Variants in MGAT5B observed in about 807,000 individuals in gnomAD.
The protein encoded by MGAT5B is alpha-1,6-mannosylglycoprotein 6-beta-N-acetylglucosaminyltransferase B, also known as N-acetylglucosaminyl-transferase Vb.
MGAT5B carries 54 observed loss-of-function variants against 95.1 expected under a neutral mutation model. That is an observed-to-expected ratio of 0.57 (90% CI 0.46 to 0.71). The LOEUF is 0.71. MGAT5B is among the 30% of genes least tolerant of loss of function. The pLI is 0.00. For synonymous variants in MGAT5B, 464 were observed against 451.0 expected, an observed-to-expected ratio of 1.03 and a Z score of -0.36; for missense variants, 935 against 1,088.6, an observed-to-expected ratio of 0.86 and a Z score of 1.99.
chr17:76,886,392 G>C (rs1255069768), intron 3 of MGAT5B, among the ~76,000 whole-genome samples: 1 of 152,230 alleles, frequency 6.6e-6, no homozygotes, highest in Non-Finnish European at 1.5e-5. Flanking sequence ...GTGTGTGTTA[G>C]AGATGATGCT....
chr17:76,871,883 G>A (rs1967024368), intron 1 of MGAT5B, among the ~76,000 whole-genome samples: 1 of 152,256 alleles, frequency 6.6e-6, no homozygotes, highest in Non-Finnish European at 1.5e-5. Flanking sequence ...CAGCTTGCCT[G>A]TTTGGGGCCT....
rs558597871 is a variant in MGAT5B at position 76,917,272 on chromosome 17, G to C, written c.1026-7694G>C. Reference sequence around the variant, plus strand: ...AAGTCAGTTTCTTTGCTGTGTCTCCGGCCTCTGCAGGGCCGTCCATAGTCA... The same window carrying C: ...AAGTCAGTTTCTTTGCTGTGTCTCCCGCCTCTGCAGGGCCGTCCATAGTCA... On this transcript the variant is annotated intron_variant, in intron 8 of 17. Coordinates refer to ENST00000569840, the MANE Select transcript of MGAT5B (RefSeq NM_001199172.2). This position sits in a 1 kb window ranked among gnomAD's most constrained non-coding sequence, Gnocchi z 6.1. Among the ~76,000 whole-genome samples, 37 of 151,970 alleles carry C rather than the reference G, an allele frequency of 2.4e-4. No homozygotes were observed. The highest frequency in any genetic ancestry group is 5.2e-4 in the Admixed American group (8 of 15,244).
chr17:76,890,013 G>A (rs1435532219), intron 3 of MGAT5B, among the ~76,000 whole-genome samples: 1 of 152,222 alleles, frequency 6.6e-6, no homozygotes, highest in East Asian at 1.9e-4. Flanking sequence ...CCCTACTGTT[G>A]GCCATGCCGT....
At chr17:76,948,265 C>T (rs1970098150) in intron 17 of MGAT5B, among the ~76,000 whole-genome samples, 179 bp downstream of exon 17, 1 of 152,180 alleles carries the variant, frequency 6.6e-6, no homozygotes, top group South Asian at 2.1e-4. Flanking sequence ...CAGGTCATTG[C>T]TGCCCTACTC....
At chr17:76,932,060 CCTT>C (rs1317771615) in intron 10 of MGAT5B, among the ~76,000 whole-genome samples, 1 of 146,858 alleles carries the variant, frequency 6.8e-6, no homozygotes, top group African/African-American at 2.6e-5. Flanking sequence ...TTCTCCTCCT[CCTT>C]TTTTCCTCCT....
rs1300076932 is a variant in MGAT5B, at chr17:76,938,780, A to G, written c.1584+637A>G. 6.6e-6 allele frequency among the ~76,000 whole-genome samples: 1 copy of G among 152,012 alleles called. No homozygotes were observed. ...TGCAACCTTATATTCCTAGGCTCACACAGTCCCCTCACCTCCACCTCCCGA... is the reference window on the plus strand; with the variant it reads ...TGCAACCTTATATTCCTAGGCTCACGCAGTCCCCTCACCTCCACCTCCCGA... On this transcript the variant is annotated intron_variant, in intron 13 of 17. Coordinates refer to ENST00000569840, the MANE Select transcript of MGAT5B (RefSeq NM_001199172.2). The surrounding 1 kb of genome is among the most constrained non-coding windows in gnomAD (Gnocchi z 4.3).
intron 3 of MGAT5B, among the ~76,000 whole-genome samples, chr17:76,888,527 A>G (rs888163534): frequency 1.3e-5 from 2 of 152,206 alleles, no homozygotes; most frequent in Non-Finnish European, 2.9e-5. Context: ...CACCCTAGCC[A>G]GCGGCGGGGA....
At chr17:76,944,826 C>A (rs1203479062) in intron 15 of MGAT5B, among the ~76,000 whole-genome samples, 1 of 152,150 alleles carries the variant, frequency 6.6e-6, no homozygotes, top group Non-Finnish European at 1.5e-5. Flanking sequence ...AAGGCAGGAC[C>A]GAGCTTGGCG....
At chr17:76,886,471 G>T (rs939036085) in intron 3 of MGAT5B, among the ~76,000 whole-genome samples, 1 of 152,328 alleles carries the variant, frequency 6.6e-6, no homozygotes, top group South Asian at 2.1e-4. Flanking sequence ...TCCTTGTACC[G>T]TGAGGGTCCA....
intron 15 of MGAT5B, among the ~76,000 whole-genome samples, chr17:76,945,798 ATGCCAGGCACTG>A (rs1190033533): frequency 1.3e-4 from 20 of 152,290 alleles, no homozygotes; most frequent in African/African-American, 4.1e-4. Flanking sequence ...CACCCACTGT[ATGCCAGGCACTG>A]TGCCAGGCAC....
At chr17:76,887,095 T>G (rs1967660288) in intron 3 of MGAT5B, among the ~76,000 whole-genome samples, 1 of 151,974 alleles carries the variant, frequency 6.6e-6, no homozygotes, top group Admixed American at 6.5e-5. Flanking sequence ...CCAGTTTATG[T>G]CTTAAGCTGG....
chr17:76,872,743 T>G (rs1967052387), intron 1 of MGAT5B, 108 bp from the exon 2 acceptor site: 2 of 1,592,626 alleles, frequency 1.3e-6, no homozygotes, highest in South Asian at 2.2e-5. Context: ...CCTTGCTTCC[T>G]TCACTCATGC....
chr17:76,943,525 T>C (rs1009948245), intron 15 of MGAT5B, among the ~76,000 whole-genome samples: 7 of 151,994 alleles, frequency 4.6e-5, no homozygotes, highest in African/African-American at 1.7e-4. Context: ...CGTGGGAATC[T>C]GCATTTTAAA....
Position 76,939,980 on chromosome 17 carries a change from T to C in MGAT5B, c.1585-422T>C, listed in dbSNP as rs113760614. 2.9e-3 allele frequency among the ~76,000 whole-genome samples: 442 copies of C among 152,264 alleles called. 5 individuals are homozygous for C. The highest frequency in any genetic ancestry group is 0.02 in the Middle Eastern group (6 of 294). ...CTGTTGTAAATAGCCTCACACAAGT[T>C]AGATGCTGAATAAATGTTTTTGGGA... On this transcript the variant is annotated intron_variant, in intron 13 of 17. Coordinates refer to ENST00000569840, the MANE Select transcript of MGAT5B (RefSeq NM_001199172.2).
At chr17:76,908,002 A>G (rs1017559806) in intron 8 of MGAT5B, among the ~76,000 whole-genome samples, 1 of 152,224 alleles carries the variant, frequency 6.6e-6, no homozygotes, top group Non-Finnish European at 1.5e-5. Flanking sequence ...TGGGCATCAT[A>G]TGATAAGGGT....
In MGAT5B at chr17:76,869,512, C is replaced by G. The variant is rs1015331563; in HGVS notation, c.68+415C>G. 1.3e-5 allele frequency among the ~76,000 whole-genome samples: 2 copies of G among 152,188 alleles called. No individual in the cohort carries two copies. The highest frequency in any genetic ancestry group is 6.5e-5 in the Admixed American group (1 of 15,284). ...CGCCTTGGAGCTCCCCCTCCGGTCC[C>G]TCCCGTCCCGCCCGTCTGCCCCTAG... is the stretch of plus-strand genomic sequence containing the variant. On this transcript the variant is annotated intron_variant, in intron 1 of 17. Transcript: ENST00000569840. This position sits in a 1 kb window ranked among gnomAD's most constrained non-coding sequence, Gnocchi z 7.0.
intron 8 of MGAT5B, among the ~76,000 whole-genome samples, chr17:76,920,102 C>T (rs1416332880): frequency 6.6e-6 from 1 of 152,196 alleles, no homozygotes; most frequent in Non-Finnish European, 1.5e-5. Context: ...TCTAACCAGC[C>T]AGTTTGGCAA....
chr17:76,885,965 C>A (rs557678591), intron 3 of MGAT5B, among the ~76,000 whole-genome samples: 5 of 152,232 alleles, frequency 3.3e-5, no homozygotes, highest in South Asian at 4.1e-4. Context: ...AAAAACACGT[C>A]CCCTGTTCTT....
In MGAT5B at chr17:76,938,242, T is replaced by C. The variant is rs943048167; in HGVS notation, c.1584+99T>C. On this transcript the variant is annotated intron_variant, in intron 13 of 17. Transcript: ENST00000569840. The surrounding 1 kb of genome is among the most constrained non-coding windows in gnomAD (Gnocchi z 4.3). ...CCACCACTCAGGCCCCTTCCACATA[T>C]GGACATACCCCAGCATGCTCTGCTG... The C allele has an allele frequency of 6.9e-7, 1 of 1,454,580 alleles. No individual in the cohort carries two copies. Among genetic ancestry groups the C allele is most frequent in the Non-Finnish European group, 9.4e-7 (1 of 1,061,946 alleles). 90.1% of individuals were successfully genotyped at this position (1,454,580 alleles called of 1,614,324 possible). A position where few individuals can be genotyped will look rare whatever the true frequency, so the allele number is the denominator to read the frequency against.
Sources: allele counts gnomAD v4.1 joint callset (sites outside exome capture counted in the v4.1 genomes callset), GRCh38; gene constraint gnomAD v4.1.1; non-coding constraint Gnocchi (gnomAD v3.1); transcripts MANE v1.5; gene names NCBI Gene and HGNC (gene_info 2026-07-23, HGNC 2026-07-21).